The following SKA3 variants were observed in gnomAD, a reference collection of about 807,000 sequenced individuals.
The protein encoded by SKA3 is spindle and kinetochore-associated protein 3.
In SKA3, 39 loss-of-function variants were observed where a neutral mutation model predicts 44.2. The ratio of observed to expected loss-of-function variants is 0.88; its 90% CI spans 0.68 to 1.15. SKA3 has a LOEUF of 1.15. Among genes scored for constraint, SKA3 ranks in the 50% most tolerant of loss-of-function variants. The probability of loss-of-function intolerance (pLI) is 0.00; values close to 1 mark genes in which losing one functional copy is unlikely to be tolerated. For missense variants in SKA3, 511 were observed against 485.8 expected, an observed-to-expected ratio of 1.05 and a Z score of -0.49; for synonymous variants, 192 against 172.0, an observed-to-expected ratio of 1.12 and a Z score of -0.91.
chr13:21,161,143 C>T (rs1019094886), intron 5 of SKA3, among the ~76,000 whole-genome samples: 10 of 151,908 alleles, frequency 6.6e-5, no homozygotes, highest in Non-Finnish European at 1.5e-4. Context: ...ATTAGCTGGA[C>T]GTCGTGGTGT....
In SKA3 at chr13:21,172,629, C is replaced by G. The variant is rs748792427; in HGVS notation, c.156G>C (p.Gln52His). The G allele has an allele frequency of 6.3e-7, 1 of 1,583,982 alleles. No homozygotes were observed. Among genetic ancestry groups the G allele is most frequent in the South Asian group, 1.2e-5 (1 of 86,710 alleles). The change falls in exon 2 of 9, where the codon CAG becomes CAC. Residue 52 changes from glutamine to histidine, a missense_variant. Physicochemically the swap from Gln to His is conservative, Grantham distance 24. Coordinates refer to ENST00000314759, the MANE Select transcript of SKA3 (RefSeq NM_145061.6). ...RILYDLHSEVQTLKDDVNILL... is the reference protein window; with the variant it reads ...RILYDLHSEVHTLKDDVNILL... ...ATTGTAGGAGTGATACCTTTAGAGTCTGAACTTCTGAATGAAGGTCATATA... is the reference window on the plus strand; with the variant it reads ...ATTGTAGGAGTGATACCTTTAGAGTGTGAACTTCTGAATGAAGGTCATATA...
intron 7 of SKA3, 118 bp downstream of exon 7, chr13:21,157,804 A>T: frequency 1.4e-6 from 1 of 699,586 alleles, no homozygotes; most frequent in East Asian, 2.8e-5. Context: ...TCATCACCAA[A>T]ATTAGCACAC....
chr13:21,156,483 GTAAA>G (rs1254972714), intron 7 of SKA3, among the ~76,000 whole-genome samples: 2 of 152,144 alleles, frequency 1.3e-5, no homozygotes, highest in Admixed American at 6.5e-5. Flanking sequence ...GGGTGATATA[GTAAA>G]TATAAGGCTT....
intron 6 of SKA3, 84 bp downstream of exon 6, chr13:21,159,817 TA>T: frequency 1.2e-6 from 1 of 861,606 alleles, no homozygotes; most frequent in Non-Finnish European, 1.6e-6. Context: ...CCATGTCTTC[TA>T]AACAGACTCT....
Position 21,172,505 on chromosome 13 carries a change from C to CT in SKA3, c.166-2dup. The CT allele has an allele frequency of 6.4e-7, 1 of 1,562,964 alleles. No homozygotes were observed. Among genetic ancestry groups the CT allele is most frequent in the Non-Finnish European group, 8.7e-7 (1 of 1,155,330 alleles). On this transcript the variant is annotated splice_acceptor_variant, in intron 2 of 8. Transcript: ENST00000314759. LOFTEE classifies it high-confidence loss of function. ...TATCAAGAAGAATATTAACATCATC[C>CT]TTTTATGAATAAAGAAAGTACATTT...
At position 21,164,024 on chromosome 13, in the gene SKA3, A is replaced by G. The variant is rs368800426; in HGVS notation, c.744-2149T>C. Among the ~76,000 whole-genome samples, 173 of 151,884 alleles carry G rather than the reference A, an allele frequency of 1.1e-3. 4 individuals carry two copies. In the South Asian group the frequency reaches 0.034, roughly 30 times the overall value. On this transcript the variant is annotated intron_variant, in intron 4 of 8. Transcript: ENST00000314759. ...AGTGATCCACCCACCTTGGCCTCCCAAAGTGTTTGGATTACAGGCATGAGC... is the reference window on the plus strand; with the variant it reads ...AGTGATCCACCCACCTTGGCCTCCCGAAGTGTTTGGATTACAGGCATGAGC...
chr13:21,163,947 A>G (rs1870571699), intron 4 of SKA3, among the ~76,000 whole-genome samples: 1 of 151,724 alleles, frequency 6.6e-6, no homozygotes, highest in Non-Finnish European at 1.5e-5. Context: ...TATTTTTAGT[A>G]GAGCCAGGGT....
chr13:21,165,375 T>C (rs969286586), intron 4 of SKA3, among the ~76,000 whole-genome samples: 7 of 152,006 alleles, frequency 4.6e-5, no homozygotes, highest in African/African-American at 1.7e-4. Context: ...TGAGCTATGA[T>C]GATGCCTCTG....
Position 21,176,536 on chromosome 13 carries a change from C to A in SKA3, c.-59G>T. Reference sequence around the variant, plus strand: ...GCAGACCCCACCGCTCAGCTCACAGCCTCCCGCCACTAGTTTGAATCTCGG... The same window carrying A: ...GCAGACCCCACCGCTCAGCTCACAGACTCCCGCCACTAGTTTGAATCTCGG... On this transcript the variant is annotated 5_prime_UTR_variant, in exon 1 of 9. Coordinates refer to ENST00000314759, the MANE Select transcript of SKA3 (RefSeq NM_145061.6). The A allele has an allele frequency of 1.0e-6, 1 of 987,438 alleles. No homozygotes were observed. Among genetic ancestry groups the A allele is most frequent in the Non-Finnish European group, 1.3e-6 (1 of 750,474 alleles). 61.2% of individuals were successfully genotyped at this position (987,438 alleles called of 1,614,324 possible).
Position 21,176,391 on chromosome 13 carries a change from C to T in SKA3, c.87G>A (p.Leu29=). Residue 29 remains leucine (L), a synonymous_variant, in exon 1 of 9, where the codon CTG becomes CTA. Coordinates refer to ENST00000314759, the MANE Select transcript of SKA3 (RefSeq NM_145061.6). ...CTCACGCACCGCTTTCCTCTCCGTC[C>T]AGCGCTCGCTGCAGCCGGGCCGTCT... is the stretch of plus-strand genomic sequence containing the variant. The part of the protein sequence containing the change: ...DCETARLQRA[L]DGEESDFEDY... The T allele has an allele frequency of 6.3e-7, 1 of 1,575,138 alleles. No individual in the cohort carries two copies. The highest frequency in any genetic ancestry group is 1.8e-5 in the Admixed American group (1 of 54,216).
Position 21,158,302 on chromosome 13 carries a change from A to T in SKA3, c.916-177T>A, listed in dbSNP as rs868090404. On this transcript the variant is annotated intron_variant, in intron 6 of 8. Coordinates refer to ENST00000314759, the MANE Select transcript of SKA3 (RefSeq NM_145061.6). The stretch of plus-strand genomic sequence containing the variant: ...AATGGCATACAGAGGACAAAATATC[A>T]TCTCATTACTAATAAAGGCTGAGTT... Among the ~76,000 whole-genome samples, 37 of 152,314 alleles carry T rather than the reference A, an allele frequency of 2.4e-4. No homozygotes were observed. The South Asian group carries it at 2.7e-3, about 11-fold the overall frequency.
intron 4 of SKA3, among the ~76,000 whole-genome samples, chr13:21,165,869 A>G (rs1565994331): frequency 1.3e-5 from 2 of 152,058 alleles, no homozygotes; most frequent in Non-Finnish European, 2.9e-5. Flanking sequence ...CAGGAGGCAG[A>G]GGTTGCAGTG....
chr13:21,176,281 C>T, intron 1 of SKA3, 94 bp downstream of exon 1: 3 of 985,810 alleles, frequency 3.0e-6, no homozygotes, highest in Non-Finnish European at 4.1e-6. Context: ...CCGTCAGTGC[C>T]TGGCGGTTCC....
chr13:21,155,766 T>C lies in SKA3; in HGVS notation c.1165A>G (p.Lys389Glu). The C allele has an allele frequency of 6.2e-7, 1 of 1,610,670 alleles. No homozygotes were observed. The highest frequency in any genetic ancestry group is 1.3e-5 in the African/African-American group (1 of 74,628). ...NSNLATPIAI[K>E]AVPPSKRFLK... ...AACCTTTTACTGGGTGGCACTGCTT[T>C]AATTGCTATTGGAGTAGCTAGGTTT... Residue 389 changes from lysine (K) to glutamate (E), a missense_variant, in exon 8 of 9, where the codon AAA (lysine) becomes GAA (glutamate). Lys to Glu is a moderately conservative substitution (Grantham distance 56). Coordinates refer to ENST00000314759, the MANE Select transcript of SKA3 (RefSeq NM_145061.6).
intron 4 of SKA3, among the ~76,000 whole-genome samples, chr13:21,165,999 G>A (rs975414972): frequency 2.0e-5 from 3 of 151,900 alleles, no homozygotes; most frequent in African/African-American, 7.2e-5. Flanking sequence ...TATGCTCAGA[G>A]CTTTTTGGAG....
intron 4 of SKA3, among the ~76,000 whole-genome samples, chr13:21,166,728 C>G (rs1259296851): frequency 6.6e-6 from 1 of 152,162 alleles, no homozygotes. Context: ...ACAAGACCAT[C>G]TGAAAAACAA....
At chr13:21,166,275 TTATCTGA>T (rs1870709789) in intron 4 of SKA3, among the ~76,000 whole-genome samples, 1 of 151,828 alleles carries the variant, frequency 6.6e-6, no homozygotes, top group Admixed American at 6.6e-5. Context: ...GCCTGGCCTG[TTATCTGA>T]TAACTTTTCA....
At chr13:21,167,493 G>A (rs1298347739) in intron 4 of SKA3, among the ~76,000 whole-genome samples, 6 of 152,080 alleles carry the variant, frequency 3.9e-5, no homozygotes, top group Admixed American at 2.0e-4. Context: ...TTGGCCGGGC[G>A]CGGTGGCTCA....
chr13:21,163,766 G>A (rs1870562497), intron 4 of SKA3, among the ~76,000 whole-genome samples: 1 of 151,982 alleles, frequency 6.6e-6, no homozygotes. Flanking sequence ...TATTTCTTCT[G>A]GGGTTTTTTT....
Sources: allele counts gnomAD v4.1 joint callset (sites outside exome capture counted in the v4.1 genomes callset), GRCh38; gene constraint gnomAD v4.1.1; transcripts MANE v1.5; gene names NCBI Gene and HGNC (gene_info 2026-07-23, HGNC 2026-07-21).